Variants in FBLIM1 observed in about 807,000 individuals in gnomAD.
The protein encoded by FBLIM1 is filamin binding LIM protein 1, also known as filamin-binding LIM protein 1.
In FBLIM1, 29 loss-of-function variants were observed where a neutral mutation model predicts 37.4. The observed-to-expected ratio is 0.77, with a 90% CI of 0.58 to 1.06. The LOEUF (loss-of-function observed/expected upper bound fraction) is 1.06. Among genes scored for constraint, FBLIM1 ranks in the 50% least tolerant of loss-of-function variants. The pLI, the probability that FBLIM1 is intolerant of heterozygous loss-of-function variation, is 0.00. For missense variants in FBLIM1, 449 were observed against 505.6 expected, an observed-to-expected ratio of 0.89 and a Z score of 1.07; for synonymous variants, 193 against 199.0, an observed-to-expected ratio of 0.97 and a Z score of 0.25.
intron 8 of FBLIM1, among the ~76,000 whole-genome samples, chr1:15,782,742 T>C (rs1489153697): frequency 1.3e-5 from 2 of 151,732 alleles, no homozygotes; most frequent in African/African-American, 4.8e-5. Flanking sequence ...GGAAGGCAGA[T>C]TGCAGACCCT....
chr1:15,763,044 C>G (rs993376949), intron 1 of FBLIM1, among the ~76,000 whole-genome samples: 3 of 151,512 alleles, frequency 2.0e-5, no homozygotes, highest in Admixed American at 6.6e-5. Context: ...GGACTTCATC[C>G]TGAGGTGGTG....
chr1:15,770,961 A>T (rs1444601709), intron 6 of FBLIM1, among the ~76,000 whole-genome samples: 3 of 149,040 alleles, frequency 2.0e-5, no homozygotes, highest in African/African-American at 7.4e-5. Context: ...GCGGTGGGGG[A>T]CGGAGTCTCA....
chr1:15,781,964 C>T (rs2069655649), intron 8 of FBLIM1, among the ~76,000 whole-genome samples: 1 of 151,884 alleles, frequency 6.6e-6, no homozygotes, highest in South Asian at 2.1e-4. Flanking sequence ...GTGATCCGCC[C>T]ACCTCAGCCT....
chr1:15,773,685 A>C (rs1186018796), intron 6 of FBLIM1, among the ~76,000 whole-genome samples: 1 of 151,634 alleles, frequency 6.6e-6, no homozygotes, highest in African/African-American at 2.4e-5. Flanking sequence ...GTCTCAGAAA[A>C]AAAAAAAAAA....
chr1:15,773,614 G>A (rs74751484), intron 6 of FBLIM1, among the ~76,000 whole-genome samples: 4,130 of 149,922 alleles, frequency 0.028, 177 homozygotes, highest in African/African-American at 0.091. Context: ...CGGGAAACGA[G>A]GTTGTGGTGA....
At chr1:15,759,196 A>G (rs1314909377) in intron 1 of FBLIM1, among the ~76,000 whole-genome samples, 1 of 152,050 alleles carries the variant, frequency 6.6e-6, no homozygotes, top group East Asian at 1.9e-4. Context: ...ATCGAATTAA[A>G]GCTCCGGCGG....
intron 5 of FBLIM1, among the ~76,000 whole-genome samples, chr1:15,769,095 C>G (rs188380818): frequency 6.6e-6 from 1 of 152,308 alleles, no homozygotes; most frequent in African/African-American, 2.4e-5. Flanking sequence ...CTCCCTCCCC[C>G]CATTTTTCCA....
chr1:15,768,749 A>G, intron 5 of FBLIM1, 119 bp downstream of exon 5: 1 of 579,144 alleles, frequency 1.7e-6, no homozygotes, highest in Non-Finnish European at 2.8e-6. Context: ...TCATGTTAAC[A>G]ATGATGGGCT....
At chr1:15,763,003 G>A (rs1197242014) in intron 1 of FBLIM1, among the ~76,000 whole-genome samples, 2 of 152,152 alleles carry the variant, frequency 1.3e-5, no homozygotes, top group African/African-American at 4.8e-5. Flanking sequence ...GAGTGGTCCA[G>A]GGGCTCAAAG....
At chr1:15,757,144 C>A (rs2068461894), upstream of FBLIM1, among the ~76,000 whole-genome samples, 1 of 152,196 alleles carries the variant, frequency 6.6e-6, no homozygotes, top group Non-Finnish European at 1.5e-5. This position sits in a 1 kb window ranked among gnomAD's most constrained non-coding sequence, Gnocchi z 4.1. Context: ...ATGAGCCGAG[C>A]AGGGACTCAG....
intron 8 of FBLIM1, among the ~76,000 whole-genome samples, chr1:15,782,705 G>A (rs1342775047): frequency 1.3e-5 from 2 of 152,078 alleles, no homozygotes; most frequent in African/African-American, 2.4e-5. Context: ...GAGACACACA[G>A]GGGTGCCTCA....
intron 1 of FBLIM1, among the ~76,000 whole-genome samples, chr1:15,763,359 G>T (rs550185177): frequency 3.3e-4 from 50 of 151,950 alleles, no homozygotes; most frequent in African/African-American, 1.1e-3. Flanking sequence ...TCACCGGGGT[G>T]CGATGGCTCA....
intron 1 of FBLIM1, among the ~76,000 whole-genome samples, chr1:15,763,622 C>A (rs967148876): frequency 1.3e-5 from 2 of 151,306 alleles, no homozygotes; most frequent in African/African-American, 4.8e-5. Context: ...GGCAACAGAG[C>A]AAGATTCCGT....
chr1:15,767,170 G>C (rs1423888822), intron 3 of FBLIM1, among the ~76,000 whole-genome samples: 1 of 152,028 alleles, frequency 6.6e-6, no homozygotes, highest in Non-Finnish European at 1.5e-5. Context: ...TGAGATTATA[G>C]GCATGAGCCA....
chr1:15,785,728 C>G lies in FBLIM1; in HGVS notation c.*1067C>G, dbSNP rs2069753655. Reference sequence around the variant, plus strand: ...TGGGGAGCATAATAGCAAACACCCCCTTGGTTCGCACATGTACAGGAATGG... The same window carrying G: ...TGGGGAGCATAATAGCAAACACCCCGTTGGTTCGCACATGTACAGGAATGG... On this transcript the variant is annotated 3_prime_UTR_variant, in exon 9 of 9. Transcript: ENST00000375766. The G allele has an allele frequency of 6.6e-6, 1 of 152,188 alleles. No homozygotes were observed. Among genetic ancestry groups the G allele is most frequent in the Admixed American group, 6.5e-5 (1 of 15,278 alleles). 9.4% of individuals were successfully genotyped at this position (152,188 alleles called of 1,614,324 possible).
chr1:15,769,354 GTAA>G (rs1454597863), intron 5 of FBLIM1, among the ~76,000 whole-genome samples: 1 of 152,066 alleles, frequency 6.6e-6, no homozygotes, highest in East Asian at 1.9e-4. Context: ...GTGTGTGCCT[GTAA>G]TCCCAGCTAC....
At chr1:15,774,496 T>C in intron 6 of FBLIM1, 122 bp from the exon 7 acceptor site, 1 of 1,284,262 alleles carries the variant, frequency 7.8e-7, no homozygotes, top group Non-Finnish European at 1.1e-6. Context: ...ACAGGTTGTC[T>C]GCAGGCCTCT....
chr1:15,767,993 C>T (rs1258834246), intron 4 of FBLIM1, among the ~76,000 whole-genome samples: 3 of 152,156 alleles, frequency 2.0e-5, no homozygotes, highest in African/African-American at 7.2e-5. Flanking sequence ...AAGCGATTCT[C>T]CTGCCATAGT....
rs755628142 is a variant in FBLIM1 at position 15,767,800 on chromosome 1, G to A, written c.438+237G>A. The stretch of plus-strand genomic sequence containing the variant: ...CCACTGCCTCGCTGCTGCACCTGCC[G>A]CAGACACCTCCTTCAGCTCTGAGGA... On this transcript the variant is annotated intron_variant, in intron 4 of 8. Coordinates refer to ENST00000375766, the MANE Select transcript of FBLIM1 (RefSeq NM_017556.4). Among the ~76,000 whole-genome samples the A allele has an allele frequency of 7.9e-5, 12 of 152,132 alleles. 1 individual carries two copies. The highest frequency in any genetic ancestry group is 1.4e-4 in the African/African-American group (6 of 41,424).
Sources: gnomAD v4.1 joint callset for allele counts (sites outside exome capture counted in the v4.1 genomes callset) on GRCh38, gnomAD v4.1.1 for gene constraint, Gnocchi (gnomAD v3.1) non-coding constraint, MANE v1.5 for transcripts, NCBI Gene and HGNC (gene_info 2026-07-23, HGNC 2026-07-21) for gene names.